The following BMPR1B variants were observed in gnomAD, a reference collection of about 807,000 sequenced individuals.
BMPR1B encodes bone morphogenetic protein receptor type 1B.
Under a neutral mutation model 59.1 loss-of-function variants are expected in BMPR1B, and 12 were observed. That is an observed-to-expected ratio of 0.20 (90% CI 0.13 to 0.33). BMPR1B has a LOEUF of 0.33. Among genes scored for constraint, BMPR1B ranks in the 10% least tolerant of loss-of-function variants. The pLI, the probability that BMPR1B is intolerant of heterozygous loss-of-function variation, is 1.00. For synonymous variants in BMPR1B, 237 were observed against 207.3 expected (o/e 1.14, Z -1.23); for missense variants, 550 against 610.9 (o/e 0.90, Z 1.05).
intron 2 of BMPR1B, among the ~76,000 whole-genome samples, chr4:94,880,953 A>G (rs557127039): frequency 4.6e-5 from 7 of 152,242 alleles, no homozygotes; most frequent in South Asian, 2.1e-4. Context: ...ATTTTAATCA[A>G]CTTTTAAAGT....
intron 2 of BMPR1B, among the ~76,000 whole-genome samples, chr4:94,918,747 A>G (rs1459572456): frequency 6.6e-6 from 1 of 151,692 alleles, no homozygotes; most frequent in East Asian, 1.9e-4. Flanking sequence ...TCTGCTGAGT[A>G]AGCTATTTTT....
chr4:94,875,353 A>C (rs577520588), intron 1 of BMPR1B, among the ~76,000 whole-genome samples: 3 of 152,240 alleles, frequency 2.0e-5, no homozygotes, highest in Admixed American at 1.3e-4. Context: ...TAATCATGGG[A>C]AGATGTGCTT....
Position 95,156,388 on chromosome 4 carries a change from C to T in BMPR1B, c.*1715C>T, listed in dbSNP as rs1212542949. 2.0e-5 allele frequency: 3 copies of T among 151,576 alleles called. No individual in the cohort carries two copies. The highest frequency in any genetic ancestry group is 2.9e-5 in the Non-Finnish European group (2 of 67,934). 9.4% of individuals were successfully genotyped at this position (151,576 alleles called of 1,614,324 possible). On this transcript the variant is annotated 3_prime_UTR_variant, in exon 13 of 13. Coordinates refer to ENST00000515059, the MANE Select transcript of BMPR1B (RefSeq NM_001203.3). ...GCAGTGTTTTATAACACATTTTCCC[C>T]ACTGGGTGATTGAAGGATGGAGGAT...
chr4:95,091,632 G>A (rs1164153764), intron 3 of BMPR1B: 1 of 984,970 alleles, frequency 1.0e-6, no homozygotes, highest in Non-Finnish European at 1.2e-6. Context: ...TCAAAAGTGA[G>A]TAGTGGGAGA....
At chr4:95,020,855 C>T (rs1723933313) in intron 3 of BMPR1B, among the ~76,000 whole-genome samples, 3 of 152,110 alleles carry the variant, frequency 2.0e-5, no homozygotes, top group Non-Finnish European at 2.9e-5. Context: ...GGATTACAGG[C>T]ACATACCATC....
intron 1 of BMPR1B, among the ~76,000 whole-genome samples, chr4:94,818,679 A>G (rs1040991205): frequency 6.6e-6 from 1 of 152,242 alleles, no homozygotes; most frequent in Non-Finnish European, 1.5e-5. Flanking sequence ...ATATTCTACT[A>G]TGAAGCGATT....
intron 3 of BMPR1B, among the ~76,000 whole-genome samples, chr4:95,076,566 T>A (rs1275561049): frequency 6.6e-6 from 1 of 152,068 alleles, no homozygotes; most frequent in Non-Finnish European, 1.5e-5. Flanking sequence ...TAAGTATTAT[T>A]ATCATCTTCA....
chr4:94,993,217 G>A (rs1176869520), intron 2 of BMPR1B, among the ~76,000 whole-genome samples: 1 of 151,968 alleles, frequency 6.6e-6, no homozygotes, highest in Non-Finnish European at 1.5e-5. Context: ...TTTTCAGACT[G>A]GTTTCTTTCC....
intron 1 of BMPR1B, among the ~76,000 whole-genome samples, chr4:94,777,797 G>A (rs1441998613): frequency 6.6e-6 from 1 of 152,028 alleles, no homozygotes; most frequent in Non-Finnish European, 1.5e-5. Context: ...AGGCTGAGGT[G>A]GATGGATCAC....
intron 3 of BMPR1B, among the ~76,000 whole-genome samples, chr4:95,033,922 A>G (rs1466880872): frequency 6.6e-6 from 1 of 152,188 alleles, no homozygotes; most frequent in Non-Finnish European, 1.5e-5. Flanking sequence ...AAAAATAAGT[A>G]TTATGGAAGT....
At chr4:95,060,027 G>C (rs933474105) in intron 3 of BMPR1B, among the ~76,000 whole-genome samples, 1 of 152,196 alleles carries the variant, frequency 6.6e-6, no homozygotes, top group Non-Finnish European at 1.5e-5. Flanking sequence ...AAATTAGCTG[G>C]TGAGCAGTAT....
chr4:94,871,568 A>C (rs1414162072), intron 1 of BMPR1B, among the ~76,000 whole-genome samples: 1 of 152,150 alleles, frequency 6.6e-6, no homozygotes, highest in African/African-American at 2.4e-5. Flanking sequence ...AAAAGAAAAA[A>C]CTTAATTTTA....
intron 3 of BMPR1B, among the ~76,000 whole-genome samples, chr4:95,013,108 A>T (rs1723337546): frequency 6.8e-6 from 1 of 148,130 alleles, no homozygotes; most frequent in Non-Finnish European, 1.5e-5. Flanking sequence ...TTTTTCAAAT[A>T]AAAAAAAAAG....
chr4:95,005,070 AAT>A (rs1254528857), intron 3 of BMPR1B, among the ~76,000 whole-genome samples: 2 of 152,130 alleles, frequency 1.3e-5, no homozygotes, highest in African/African-American at 4.8e-5. Flanking sequence ...GTGAGTTTAA[AAT>A]ATGTCTCCTG....
intron 2 of BMPR1B, among the ~76,000 whole-genome samples, chr4:94,933,827 T>G (rs1729185930): frequency 6.6e-6 from 1 of 152,166 alleles, no homozygotes; most frequent in Admixed American, 6.6e-5. Context: ...CTTTGCACAC[T>G]TCTGGGTCAG....
chr4:95,073,249 C>T (rs1161095667), intron 3 of BMPR1B, among the ~76,000 whole-genome samples: 3 of 152,232 alleles, frequency 2.0e-5, no homozygotes, highest in South Asian at 4.2e-4. Context: ...TTTGGGAACA[C>T]GGAATTGCCA....
intron 2 of BMPR1B, among the ~76,000 whole-genome samples, chr4:94,915,904 A>G (rs979304207): frequency 1.3e-5 from 2 of 152,154 alleles, no homozygotes; most frequent in African/African-American, 4.8e-5. Context: ...CGTCTTCACA[A>G]TAGTGAGTGC....
chr4:94,871,236 G>A (rs1165874096), intron 1 of BMPR1B, among the ~76,000 whole-genome samples: 1 of 152,114 alleles, frequency 6.6e-6, no homozygotes, highest in Non-Finnish European at 1.5e-5. Context: ...TCTGCTATAT[G>A]TAAAGTACCG....
At chr4:94,869,403 C>A (rs1435750756) in intron 1 of BMPR1B, among the ~76,000 whole-genome samples, 1 of 141,220 alleles carries the variant, frequency 7.1e-6, no homozygotes, top group Admixed American at 6.8e-5. Flanking sequence ...GCTGAAATAC[C>A]TTTTTTCTTT....
Sources: gnomAD v4.1 joint callset for allele counts (sites outside exome capture counted in the v4.1 genomes callset) on GRCh38, gnomAD v4.1.1 for gene constraint, MANE v1.5 for transcripts, NCBI Gene and HGNC (gene_info 2026-07-23, HGNC 2026-07-21) for gene names.